The following PCDHGA7 variants were observed in gnomAD, a reference collection of about 807,000 sequenced individuals.
PCDHGA7 encodes protocadherin gamma-A7.
Under a neutral mutation model 58.3 loss-of-function variants are expected in PCDHGA7, and 44 were observed. The observed-to-expected ratio is 0.75, with a 90% CI of 0.59 to 0.97. PCDHGA7 has a LOEUF of 0.97. Ranked by LOEUF, PCDHGA7 falls within the 50% of genes least tolerant of loss-of-function variation. The pLI, the probability that PCDHGA7 is intolerant of heterozygous loss-of-function variation, is 0.00. For synonymous variants in PCDHGA7, 516 were observed against 504.2 expected, an observed-to-expected ratio of 1.02 and a Z score of -0.31; for missense variants, 1,266 against 1,188.7, an observed-to-expected ratio of 1.06 and a Z score of -0.96.
Position 141,431,625 on chromosome 5 carries a change from C to T in PCDHGA7, c.2424+46302C>T. The T allele has an allele frequency of 6.2e-7, 1 of 1,614,224 alleles. No individual in the cohort carries two copies. Among genetic ancestry groups the T allele is most frequent in the South Asian group, 1.1e-5 (1 of 91,082 alleles). On this transcript the variant is annotated intron_variant, in intron 1 of 3. Transcript: ENST00000518325. This position sits in a 1 kb window ranked among gnomAD's most constrained non-coding sequence, Gnocchi z 4.8. Reference sequence around the variant, plus strand: ...TTCCGGTATGTGGACGACAAGGCGGCCCAAGTTTTCAAACTAGATTGTAAT... The same window carrying T: ...TTCCGGTATGTGGACGACAAGGCGGTCCAAGTTTTCAAACTAGATTGTAAT...
intron 2 of PCDHGA7, among the ~76,000 whole-genome samples, chr5:141,501,290 T>TACAC (rs55762287): frequency 0.051 from 6,975 of 136,060 alleles, 192 homozygotes; most frequent in African/African-American, 0.071. Context: ...TATTCCCTTA[T>TACAC]ACACACACAC....
At chr5:141,410,142 G>C in intron 1 of PCDHGA7, 1 of 1,612,730 alleles carries the variant, frequency 6.2e-7, no homozygotes, top group African/African-American at 1.3e-5. Context: ...GTCGCTGTGC[G>C]TGACGGTGGA....
chr5:141,481,901 G>A (rs1297925755), intron 1 of PCDHGA7, among the ~76,000 whole-genome samples: 2 of 125,298 alleles, frequency 1.6e-5, no homozygotes, highest in Non-Finnish European at 3.2e-5. Context: ...GTGAAAGAGC[G>A]AAACTCCATC....
chr5:141,489,253 A>T lies in PCDHGA7; in HGVS notation c.2425-5554A>T. 1 of 1,547,506 alleles carries T rather than the reference A, an allele frequency of 6.5e-7. No individual in the cohort carries two copies. The highest frequency in any genetic ancestry group is 2.3e-5 in the East Asian group (1 of 44,418). ...GGACTTCTGGGTCATGGGGCCCAAG[A>T]CACTCCCACAGCTCGCTGGGAAATG... On this transcript the variant is annotated intron_variant, in intron 1 of 3. Coordinates refer to ENST00000518325, the MANE Select transcript of PCDHGA7 (RefSeq NM_018920.4). This position sits in a 1 kb window ranked among gnomAD's most constrained non-coding sequence, Gnocchi z 4.5.
intron 1 of PCDHGA7, chr5:141,410,388 C>G (rs1312753736): frequency 6.2e-7 from 1 of 1,613,962 alleles, no homozygotes; most frequent in African/African-American, 1.3e-5. Flanking sequence ...TGCTTCCATC[C>G]TGGTCTCTGT....
intron 1 of PCDHGA7, among the ~76,000 whole-genome samples, chr5:141,469,484 A>AGAATCGCT (rs1279677032): frequency 6.6e-6 from 1 of 152,074 alleles, no homozygotes; most frequent in African/African-American, 2.4e-5. Flanking sequence ...CTGAGGCAGG[A>AGAATCGCT]GAATCGCTTG....
At chr5:141,418,369 C>G (rs763319499) in intron 1 of PCDHGA7, 62 of 1,613,842 alleles carry the variant, frequency 3.8e-5, no homozygotes, top group Non-Finnish European at 4.8e-5. Context: ...TGAGCAAATA[C>G]CAACTAAGTC....
At chr5:141,443,442 C>T (rs571341362) in intron 1 of PCDHGA7, among the ~76,000 whole-genome samples, 9 of 152,202 alleles carry the variant, frequency 5.9e-5, no homozygotes, top group East Asian at 1.9e-4. Context: ...GCTGTGGTTG[C>T]GCTCCTGTAC....
At chr5:141,420,392 G>A (rs1480059498) in intron 1 of PCDHGA7, 2 of 1,268,940 alleles carry the variant, frequency 1.6e-6, no homozygotes, top group East Asian at 5.5e-5. Context: ...CAAAATATAG[G>A]TCAAATTTAT....
chr5:141,421,328 A>G (rs1355932974), intron 1 of PCDHGA7: 1 of 1,613,902 alleles, frequency 6.2e-7, no homozygotes. Flanking sequence ...CAGATCCGAT[A>G]TTCGGTGCCA....
At chr5:141,505,275 AGGTCTTGGGCATGGGGTAG>A (rs1251192617) in intron 2 of PCDHGA7, 99 bp from the exon 3 acceptor site, 87 of 1,525,470 alleles carry the variant, frequency 5.7e-5, no homozygotes, top group Non-Finnish European at 2.0e-5. Context: ...TGAGAGAAAC[AGGTCTTGGGCATGGGGTAG>A]GGTTAGGGTA....
chr5:141,476,714 C>A lies in PCDHGA7; in HGVS notation c.2425-18093C>A, dbSNP rs146188020. 1 of 1,614,154 alleles carries A rather than the reference C, an allele frequency of 6.2e-7. No homozygotes were observed. The highest frequency in any genetic ancestry group is 1.1e-5 in the South Asian group (1 of 91,078). ...CAAGTACGCGGAGCTGGTGTTGGAG[C>A]GCGCCCTGGACCGAGAACGGGAGCC... On this transcript the variant is annotated intron_variant, in intron 1 of 3. Transcript: ENST00000518325. This position sits in a 1 kb window ranked among gnomAD's most constrained non-coding sequence, Gnocchi z 7.6.
In PCDHGA7 at chr5:141,383,497, C is replaced by A; in HGVS notation, c.598C>A (p.Leu200Met). 1 of 1,612,952 alleles carries A rather than the reference C, an allele frequency of 6.2e-7. No homozygotes were observed. The highest frequency in any genetic ancestry group is 2.2e-5 in the East Asian group (1 of 44,846). ...CCCGGAACTGGTGCTGGAGCGGGTGCTGGACCGGGAGGAAGAGCGGGTTCA... is the reference window on the plus strand; with the variant it reads ...CCCGGAACTGGTGCTGGAGCGGGTGATGGACCGGGAGGAAGAGCGGGTTCA... ...KYPELVLERV[L>M]DREEERVHHL... The change falls in exon 1 of 4, where the codon CTG becomes ATG. Residue 200 changes from leucine to methionine, a missense_variant. Leu to Met is a conservative substitution (Grantham distance 15, BLOSUM62 2). Transcript: ENST00000518325.
intron 1 of PCDHGA7, among the ~76,000 whole-genome samples, chr5:141,469,882 G>A (rs760102003): frequency 2.6e-5 from 4 of 152,280 alleles, no homozygotes; most frequent in Non-Finnish European, 4.4e-5. Context: ...TGTAATCTCG[G>A]CACTTTGGGA....
At chr5:141,499,021 GAAGGAAGA>G (rs1193940810) in intron 2 of PCDHGA7, among the ~76,000 whole-genome samples, 2 of 140,162 alleles carry the variant, frequency 1.4e-5, no homozygotes, top group East Asian at 2.1e-4. Flanking sequence ...AGGAAGGAAG[GAAGGAAGA>G]AAAGAAAGAA....
intron 1 of PCDHGA7, chr5:141,428,284 G>A (rs762469333): frequency 4.2e-5 from 31 of 734,822 alleles, no homozygotes. Flanking sequence ...TGATTCCCAA[G>A]CAAAGCTGCA....
At chr5:141,400,411 T>G in intron 1 of PCDHGA7, 1 of 1,614,062 alleles carries the variant, frequency 6.2e-7, no homozygotes, top group Non-Finnish European at 8.5e-7. Flanking sequence ...GGAGTTTAAT[T>G]TCCTAAAATG....
intron 1 of PCDHGA7, among the ~76,000 whole-genome samples, chr5:141,458,063 G>A (rs1011861177): frequency 1.3e-5 from 2 of 152,190 alleles, no homozygotes; most frequent in African/African-American, 4.8e-5. Context: ...CTGCACTGAT[G>A]CGAACAACTA....
chr5:141,423,004 G>T lies in PCDHGA7; in HGVS notation c.2424+37681G>T, dbSNP rs1206727312. 2 of 1,614,116 alleles carry T rather than the reference G, an allele frequency of 1.2e-6. No individual in the cohort carries two copies. Among genetic ancestry groups the T allele is most frequent in the African/African-American group, 1.3e-5 (1 of 74,958 alleles). ...ACCTGGCTACCTGGTGACCAAGGTG[G>T]TTGCGGTGGACAAAGATTCAGGCCA... On this transcript the variant is annotated intron_variant, in intron 1 of 3. Transcript: ENST00000518325.
Sources: allele counts gnomAD v4.1 joint callset (sites outside exome capture counted in the v4.1 genomes callset), GRCh38; gene constraint gnomAD v4.1.1; non-coding constraint Gnocchi (gnomAD v3.1); transcripts MANE v1.5; gene names NCBI Gene and HGNC (gene_info 2026-07-23, HGNC 2026-07-21).